RABEP1: variants seen among roughly 807,000 people sequenced by gnomAD.
RABEP1 encodes rabaptin, RAB GTPase binding effector protein 1, also known as rab GTPase-binding effector protein 1.
In RABEP1, 51 loss-of-function variants were observed where a neutral mutation model predicts 123.4. That is an observed-to-expected ratio of 0.41 (90% CI 0.33 to 0.52). RABEP1 has a LOEUF of 0.52. Ranked by LOEUF, RABEP1 falls within the 20% of genes least tolerant of loss-of-function variation. RABEP1 has a pLI of 0.16. For missense variants in RABEP1, 888 were observed against 996.3 expected (o/e 0.89, Z 1.46); for synonymous variants, 347 against 355.2 (o/e 0.98, Z 0.26).
At chr17:5,311,708 A>AAC (rs2075243656) in intron 2 of RABEP1, among the ~76,000 whole-genome samples, 1 of 151,140 alleles carries the variant, frequency 6.6e-6, no homozygotes, top group Non-Finnish European at 1.5e-5. Context: ...AAAAAAAAAA[A>AAC]AAAAAAAAAA....
intron 5 of RABEP1, among the ~76,000 whole-genome samples, chr17:5,341,864 T>C (rs1907643241): frequency 6.6e-6 from 1 of 152,208 alleles, no homozygotes; most frequent in South Asian, 2.1e-4. Flanking sequence ...ATTTGAGAAA[T>C]TTGACCACTC....
At chr17:5,359,595 C>T (rs1909327106) in intron 8 of RABEP1, among the ~76,000 whole-genome samples, 1 of 152,040 alleles carries the variant, frequency 6.6e-6, no homozygotes, top group Non-Finnish European at 1.5e-5. Context: ...ATTGCAGTTT[C>T]AGATGAGTAA....
At chr17:5,322,366 AAAAG>A (rs764424455) in intron 2 of RABEP1, among the ~76,000 whole-genome samples, 18 of 152,252 alleles carry the variant, frequency 1.2e-4, no homozygotes, top group Non-Finnish European at 2.2e-4. Flanking sequence ...CAAAAGAAAA[AAAAG>A]AAAAGACCGT....
chr17:5,338,630 A>T (rs192621581), intron 5 of RABEP1, among the ~76,000 whole-genome samples: 1 of 152,324 alleles, frequency 6.6e-6, no homozygotes, highest in Admixed American at 6.5e-5. Context: ...TCTTATGGAC[A>T]TTTAAAATAA....
intron 12 of RABEP1, among the ~76,000 whole-genome samples, chr17:5,371,018 G>C (rs529509796): frequency 6.6e-6 from 1 of 151,534 alleles, no homozygotes; most frequent in African/African-American, 2.4e-5. Flanking sequence ...CCAGGTTGGA[G>C]TGCAGTGGCG....
chr17:5,318,007 C>T (rs973958718), intron 2 of RABEP1, among the ~76,000 whole-genome samples: 2 of 152,186 alleles, frequency 1.3e-5, no homozygotes, highest in Non-Finnish European at 2.9e-5. Context: ...GCTCCATGCT[C>T]CTTCCCACGT....
chr17:5,287,532 G>A (rs2074990322), intron 1 of RABEP1, among the ~76,000 whole-genome samples: 1 of 150,280 alleles, frequency 6.7e-6, no homozygotes, highest in South Asian at 2.1e-4. Flanking sequence ...CTGGGAGGTG[G>A]AGGTTGCAGT....
intron 2 of RABEP1, among the ~76,000 whole-genome samples, chr17:5,311,030 G>A (rs1337351627): frequency 5.9e-4 from 90 of 151,776 alleles, no homozygotes; most frequent in African/African-American, 2.4e-5. Flanking sequence ...GGCTGGTCTC[G>A]AACTCCTGAC....
intron 2 of RABEP1, among the ~76,000 whole-genome samples, chr17:5,312,843 A>C (rs1254638074): frequency 6.6e-6 from 1 of 152,316 alleles, no homozygotes; most frequent in East Asian, 1.9e-4. Context: ...ACGGTCGCAC[A>C]TGCCTGTAAT....
chr17:5,343,746 G>A (rs1391956448), intron 5 of RABEP1, among the ~76,000 whole-genome samples: 1 of 137,902 alleles, frequency 7.3e-6, no homozygotes, highest in Non-Finnish European at 1.5e-5. Flanking sequence ...CATGATCTTG[G>A]CTCACTGCAC....
chr17:5,345,097 GA>G (rs1321667123), intron 5 of RABEP1, among the ~76,000 whole-genome samples: 1 of 152,238 alleles, frequency 6.6e-6, no homozygotes, highest in Non-Finnish European at 1.5e-5. Flanking sequence ...AAATGTAAAT[GA>G]AAGTGGGACA....
intron 1 of RABEP1, among the ~76,000 whole-genome samples, chr17:5,301,711 C>T (rs556320524): frequency 6.6e-6 from 1 of 152,042 alleles, no homozygotes; most frequent in South Asian, 2.1e-4. Flanking sequence ...CAATATCAAC[C>T]TCCACCAAGA....
At chr17:5,344,109 A>C (rs984723583) in intron 5 of RABEP1, among the ~76,000 whole-genome samples, 2 of 152,328 alleles carry the variant, frequency 1.3e-5, no homozygotes, top group African/African-American at 4.8e-5. Flanking sequence ...TACAGACTAT[A>C]AGAAGATATC....
intron 7 of RABEP1, among the ~76,000 whole-genome samples, chr17:5,353,413 C>T (rs1178585136): frequency 2.6e-5 from 4 of 152,192 alleles, no homozygotes; most frequent in Non-Finnish European, 4.4e-5. Flanking sequence ...TTTGTCTCTC[C>T]TCCCTAGGCT....
At chr17:5,339,365 C>T (rs1237387660) in intron 5 of RABEP1, among the ~76,000 whole-genome samples, 2 of 151,960 alleles carry the variant, frequency 1.3e-5, no homozygotes, top group East Asian at 3.9e-4. Context: ...AAATATTAGC[C>T]AGTTATAGTG....
intron 13 of RABEP1, among the ~76,000 whole-genome samples, chr17:5,374,153 G>A (rs1053291202): frequency 1.6e-4 from 24 of 151,966 alleles, no homozygotes; most frequent in East Asian, 1.9e-4. Context: ...TGCAACCTCC[G>A]CCTCACAGGT....
At chr17:5,357,121 C>A (rs1909093146) in intron 8 of RABEP1, among the ~76,000 whole-genome samples, 2 of 152,102 alleles carry the variant, frequency 1.3e-5, no homozygotes, top group Non-Finnish European at 1.5e-5. Flanking sequence ...CGTGATCCAC[C>A]CACCTCAGCC....
intron 17 of RABEP1, among the ~76,000 whole-genome samples, chr17:5,381,962 C>G (rs973484590): frequency 2.6e-5 from 4 of 152,206 alleles, no homozygotes; most frequent in African/African-American, 4.8e-5. Flanking sequence ...GGTCCCTGAG[C>G]TGGGCTAAAG....
intron 1 of RABEP1, among the ~76,000 whole-genome samples, chr17:5,285,164 G>A (rs1228415941): frequency 6.6e-6 from 1 of 152,060 alleles, no homozygotes; most frequent in Admixed American, 6.6e-5. Flanking sequence ...AATTTTAATA[G>A]TTAAAGAAAT....
Sources: allele counts gnomAD v4.1 joint callset (sites outside exome capture counted in the v4.1 genomes callset), GRCh38; gene constraint gnomAD v4.1.1; transcripts MANE v1.5; gene names NCBI Gene and HGNC (gene_info 2026-07-23, HGNC 2026-07-21).